ANAPC4: variants seen among roughly 807,000 people sequenced by gnomAD.
ANAPC4 encodes the protein anaphase-promoting complex subunit 4.
ANAPC4 carries 63 observed loss-of-function variants against 119.8 expected under a neutral mutation model. The observed-to-expected ratio is 0.53, with a 90% CI of 0.43 to 0.65. The LOEUF is 0.65. Ranked by LOEUF, ANAPC4 falls within the 30% of genes least tolerant of loss-of-function variation. The pLI is 0.00. For missense variants in ANAPC4, 716 were observed against 945.1 expected (o/e 0.76, Z 3.18); for synonymous variants, 283 against 318.6 (o/e 0.89, Z 1.19).
At position 25,402,829 on chromosome 4, in the gene ANAPC4, C is replaced by T. The variant is rs117055769; in HGVS notation, c.1215-142C>T. 456 of 412,464 alleles carry T rather than the reference C, an allele frequency of 1.1e-3. 6 individuals carry two copies. The East Asian group carries it at 0.017, about 15-fold the overall frequency. 25.6% of individuals were successfully genotyped at this position (412,464 alleles called of 1,614,324 possible). On this transcript the variant is annotated intron_variant, in intron 16 of 28. Transcript: ENST00000315368. ...TAGGTAGGCGTTTGATTTGTAATATCTGCTGTTCTAAAGACTTAAATGTCA... is the reference window on the plus strand; with the variant it reads ...TAGGTAGGCGTTTGATTTGTAATATTTGCTGTTCTAAAGACTTAAATGTCA...
In ANAPC4 at chr4:25,417,738, TG is replaced by T; in HGVS notation, c.2199+1del. 1 of 1,607,758 alleles carries T rather than the reference TG, an allele frequency of 6.2e-7. No homozygotes were observed. The highest frequency in any genetic ancestry group is 8.5e-7 in the Non-Finnish European group (1 of 1,178,000). ...AATGGTTTTCGAAAAGTGTCCTGTG[TG>T]GTAAGTGTTTAGAGATCGTTCAGCA... ...AGNGFRKVSC[V>X]LSSNLRHVRV... On this transcript the variant is annotated frameshift_variant and splice_region_variant, in exon 28 of 29. Transcript: ENST00000315368. LOFTEE classifies it high-confidence loss of function.
intron 16 of ANAPC4, among the ~76,000 whole-genome samples, chr4:25,400,006 T>A (rs1392889142): frequency 1.3e-5 from 2 of 152,108 alleles, no homozygotes; most frequent in Non-Finnish European, 2.9e-5. Flanking sequence ...AAGAATAGAA[T>A]AGAGTCTTAG....
intron 3 of ANAPC4, among the ~76,000 whole-genome samples, chr4:25,381,569 A>G (rs976941219): frequency 6.6e-6 from 1 of 152,134 alleles, no homozygotes; most frequent in African/African-American, 2.4e-5. Context: ...ACCTTGGCCT[A>G]CTACAGTGTG....
At chr4:25,417,922 G>A in intron 28 of ANAPC4, 183 bp downstream of exon 28, 3 of 912,392 alleles carry the variant, frequency 3.3e-6, no homozygotes, top group Non-Finnish European at 4.8e-6. Context: ...TTCTGATAAA[G>A]CTTACTAAGT....
chr4:25,389,241 C>T (rs1373712881), intron 7 of ANAPC4, among the ~76,000 whole-genome samples: 1 of 151,718 alleles, frequency 6.6e-6, no homozygotes, highest in Non-Finnish European at 1.5e-5. Context: ...TCACTGCAAC[C>T]TCCGCCTTCC....
At chr4:25,384,033 A>G (rs1237265456) in intron 4 of ANAPC4, among the ~76,000 whole-genome samples, 6 of 152,384 alleles carry the variant, frequency 3.9e-5, no homozygotes, top group Non-Finnish European at 8.8e-5. Context: ...AACTTCTTTC[A>G]AAATTAGAGT....
chr4:25,389,392 C>T (rs1339896249), intron 7 of ANAPC4, among the ~76,000 whole-genome samples: 4 of 152,086 alleles, frequency 2.6e-5, no homozygotes, highest in South Asian at 2.1e-4. Context: ...CTCTTGACCT[C>T]GTGATCCACC....
intron 20 of ANAPC4, among the ~76,000 whole-genome samples, chr4:25,408,568 C>T (rs956848966): frequency 2.0e-5 from 3 of 150,784 alleles, no homozygotes; most frequent in Admixed American, 6.6e-5. Flanking sequence ...GATATTTCCT[C>T]TGAGTAGTAC....
Position 25,383,440 on chromosome 4 carries a change from AT to A in ANAPC4, c.368+53del. ...GTCATAGGGTATTCATGAGATTTTT[AT>A]TTTTTGAAATGGAAACTTAGGAGTA... On this transcript the variant is annotated intron_variant, in intron 4 of 28. Transcript: ENST00000315368. 6 of 1,485,286 alleles carry A rather than the reference AT, an allele frequency of 4.0e-6. No homozygotes were observed. In the South Asian group the frequency reaches 7.4e-5, roughly 18 times the overall value. 92.0% of individuals were successfully genotyped at this position (1,485,286 alleles called of 1,614,324 possible).
chr4:25,413,793 G>C, intron 22 of ANAPC4, 51 bp downstream of exon 22: 1 of 1,319,324 alleles, frequency 7.6e-7, no homozygotes, highest in East Asian at 2.3e-5. Context: ...AGTGTCTACA[G>C]TATGTGGCTC....
Position 25,414,732 on chromosome 4 carries a change from G to A in ANAPC4, c.1826+32G>A, listed in dbSNP as rs540201925. ...ATTAATCTGAAGTTTGAATCAAAGA[G>A]ATAAGATTTTATTATTTGTAAGAAT... On this transcript the variant is annotated intron_variant, in intron 25 of 28. Coordinates refer to ENST00000315368, the MANE Select transcript of ANAPC4 (RefSeq NM_013367.3). 12 of 1,445,620 alleles carry A rather than the reference G, an allele frequency of 8.3e-6. No individual in the cohort carries two copies. In the East Asian group the frequency reaches 2.4e-4, roughly 28 times the overall value. The allele number at this position is 1,445,620 out of a possible 1,614,324, so 89.5% of individuals were successfully genotyped here.
At position 25,390,916 on chromosome 4, in the gene ANAPC4, T is replaced by A. The variant is rs756953468; in HGVS notation, c.606T>A (p.Ala202=). Residue 202 remains alanine (A), a synonymous_variant, in exon 9 of 29, where the codon GCT becomes GCA. Transcript: ENST00000315368. ...MFKIARVTGI[A]GTCLALCLSS... The stretch of plus-strand genomic sequence containing the variant: ...GGGGTTTGACTCTTTTACAGATTGC[T>A]GGTACTTGTCTTGCATTATGTTTAT... 1.2e-6 allele frequency: 2 copies of A among 1,612,034 alleles called. No individual in the cohort carries two copies. Among genetic ancestry groups the A allele is most frequent in the Non-Finnish European group, 1.7e-6 (2 of 1,178,230 alleles).
At position 25,390,935 on chromosome 4, in the gene ANAPC4, T is replaced by G; in HGVS notation, c.625T>G (p.Cys209Gly). 1 of 1,613,808 alleles carries G rather than the reference T, an allele frequency of 6.2e-7. No individual in the cohort carries two copies. The highest frequency in any genetic ancestry group is 1.1e-5 in the South Asian group (1 of 91,048). The change falls in exon 9 of 29, where the codon TGT (cysteine) becomes GGT (glycine). Residue 209 changes from cysteine (C) to glycine (G), a missense_variant. This residue lies in a region of ANAPC4 where 202 missense variants were observed against 293.5 expected (regional missense o/e 0.69). Coordinates refer to ENST00000315368, the MANE Select transcript of ANAPC4 (RefSeq NM_013367.3). ...TGIAGTCLAL[C>G]LSSDLKSLSV... ...GATTGCTGGTACTTGTCTTGCATTA[T>G]GTTTATCAAGTGATTTGAAATCATT... is the stretch of plus-strand genomic sequence containing the variant.
At chr4:25,381,783 A>G (rs941409213) in intron 3 of ANAPC4, among the ~76,000 whole-genome samples, 5 of 152,174 alleles carry the variant, frequency 3.3e-5, no homozygotes, top group African/African-American at 4.8e-5. Context: ...CCCCATCTCT[A>G]CTAAAAATAC....
intron 22 of ANAPC4, chr4:25,414,039 G>A (rs1723723697): frequency 2.1e-6 from 1 of 469,692 alleles, no homozygotes; most frequent in Non-Finnish European, 3.7e-6. Flanking sequence ...TTACAGAGCT[G>A]ATGTGTCTCT....
At chr4:25,401,325 G>T (rs531710734) in intron 16 of ANAPC4, among the ~76,000 whole-genome samples, 148 of 152,262 alleles carry the variant, frequency 9.7e-4, no homozygotes, top group African/African-American at 3.4e-3. Flanking sequence ...CAGAGTGTGT[G>T]GAGCTTTGCT....
At chr4:25,415,184 C>A in intron 25 of ANAPC4, 1 of 303,430 alleles carries the variant, frequency 3.3e-6, no homozygotes, top group Non-Finnish European at 6.0e-6. Flanking sequence ...TTTAGAACGC[C>A]ATTGGTAGCT....
intron 9 of ANAPC4, 44 bp from the exon 10 acceptor site, chr4:25,392,294 A>G (rs779437656): frequency 7.5e-7 from 1 of 1,337,758 alleles, no homozygotes; most frequent in South Asian, 1.2e-5. Flanking sequence ...ACTTTGCAGC[A>G]AGTGCATCTG....
At chr4:25,383,575 A>G (rs1190356093) in intron 4 of ANAPC4, among the ~76,000 whole-genome samples, 182 bp downstream of exon 4, 3 of 151,726 alleles carry the variant, frequency 2.0e-5, no homozygotes, top group East Asian at 1.9e-4. Flanking sequence ...ATAAACATCT[A>G]TAGGCATACC....
Sources: gnomAD v4.1 joint callset for allele counts (sites outside exome capture counted in the v4.1 genomes callset) on GRCh38, gnomAD v4.1.1 for gene constraint, gnomAD v4.1.1 regional missense constraint, MANE v1.5 for transcripts, NCBI Gene and HGNC (gene_info 2026-07-23, HGNC 2026-07-21) for gene names.